HIRA: variants seen among roughly 807,000 people sequenced by gnomAD.
HIRA encodes protein HIRA.
A neutral mutation model predicts 126.6 loss-of-function variants in HIRA; 13 were observed. That is an observed-to-expected ratio of 0.10 (90% confidence interval 0.07 to 0.16). The LOEUF (loss-of-function observed/expected upper bound fraction) is 0.16. Among genes scored for constraint, HIRA ranks in the 10% least tolerant of loss-of-function variants. The pLI, the probability that HIRA is intolerant of heterozygous loss-of-function variation, is 1.00. For missense variants in HIRA, 834 were observed against 1,314.4 expected (o/e 0.63, Z 5.65); for synonymous variants, 511 against 520.0 (o/e 0.98, Z 0.24).
At chr22:19,379,323 A>G (rs555263996) in intron 13 of HIRA, among the ~76,000 whole-genome samples, 3 of 151,216 alleles carry the variant, frequency 2.0e-5, no homozygotes, top group African/African-American at 7.3e-5. Flanking sequence ...GCAGTTTTTC[A>G]AAGTAGAAAT....
At chr22:19,377,392 T>A in intron 14 of HIRA, among the ~76,000 whole-genome samples, 1 of 152,198 alleles carries the variant, frequency 6.6e-6, no homozygotes, top group Non-Finnish European at 1.5e-5. Context: ...TAATTTGGTT[T>A]CCAAGTAACA....
chr22:19,405,714 G>C lies in HIRA; in HGVS notation c.397+72C>G, dbSNP rs150143402. The C allele has an allele frequency of 3.3e-3, 3,752 of 1,129,898 alleles. 133 individuals carry two copies. The East Asian group carries it at 0.077, about 23-fold the overall frequency. The allele number at this position is 1,129,898 out of a possible 1,614,324, so 70.0% of individuals were successfully genotyped here. On this transcript the variant is annotated intron_variant, in intron 5 of 24. Coordinates refer to ENST00000263208, the MANE Select transcript of HIRA (RefSeq NM_003325.4). Reference sequence around the variant, plus strand: ...CTTTAAGGACCAAACAGTCCCACAGGGGACGTGGCGGTGCTGCTGATCTGA... The same window carrying C: ...CTTTAAGGACCAAACAGTCCCACAGCGGACGTGGCGGTGCTGCTGATCTGA...
At chr22:19,362,599 C>T (rs891202915) in intron 15 of HIRA, among the ~76,000 whole-genome samples, 1 of 151,630 alleles carries the variant, frequency 6.6e-6, no homozygotes, top group Non-Finnish European at 1.5e-5. Context: ...TCACTCTTCT[C>T]GCCCAGCCTG....
In HIRA at chr22:19,357,067, G is replaced by T. The variant is rs782177134; in HGVS notation, c.2235-16C>A. ...CACCACGTCACTGAGAAGGCAGAGTGGGGGCAGGTGTCATGGGGGCTGAGT... is the reference window on the plus strand; with the variant it reads ...CACCACGTCACTGAGAAGGCAGAGTTGGGGCAGGTGTCATGGGGGCTGAGT... On this transcript the variant is annotated splice_polypyrimidine_tract_variant and intron_variant, in intron 18 of 24. Coordinates refer to ENST00000263208, the MANE Select transcript of HIRA (RefSeq NM_003325.4). 3 of 1,613,540 alleles carry T rather than the reference G, an allele frequency of 1.9e-6. No homozygotes were observed. Among genetic ancestry groups the T allele is most frequent in the East Asian group, 2.2e-5 (1 of 44,890 alleles).
At chr22:19,419,660 T>C (rs1457644331) in intron 1 of HIRA, among the ~76,000 whole-genome samples, 2 of 152,220 alleles carry the variant, frequency 1.3e-5, no homozygotes, top group Non-Finnish European at 2.9e-5. Flanking sequence ...TATTCACTAA[T>C]TCATCCTCAG....
Position 19,356,996 on chromosome 22 carries a change from C to T in HIRA, c.2290G>A (p.Gly764Ser). The change falls in exon 19 of 25, where the codon GGT becomes AGT. Residue 764 changes from glycine to serine, a missense_variant. Gly to Ser is a moderately conservative substitution (Grantham distance 56). Around this residue, in one of 5 missense-constraint regions of HIRA, gnomAD observed 468 missense variants for 574.2 expected, o/e 0.82. Coordinates refer to ENST00000263208, the MANE Select transcript of HIRA (RefSeq NM_003325.4). ...AGGATGGGAGAGAGGAGACGGCGAC[C>T]ACAGGTGGAGAACACTGACAGCATC... ...KRMLSVFSTCGRRLLSPILLP... is the reference protein window; with the variant it reads ...KRMLSVFSTCSRRLLSPILLP... The T allele has an allele frequency of 6.2e-7, 1 of 1,614,084 alleles. No homozygotes were observed. The highest frequency in any genetic ancestry group is 8.5e-7 in the Non-Finnish European group (1 of 1,180,028).
intron 15 of HIRA, among the ~76,000 whole-genome samples, chr22:19,371,918 G>A (rs571926316): frequency 7.2e-4 from 110 of 152,286 alleles, no homozygotes; most frequent in African/African-American, 2.1e-3. Flanking sequence ...ATGTACAGAT[G>A]TGAACATTCA....
At chr22:19,380,541 G>A (rs17744434) in intron 13 of HIRA, among the ~76,000 whole-genome samples, 3,132 of 152,258 alleles carry the variant, frequency 0.021, 44 homozygotes, top group Non-Finnish European at 0.032. Flanking sequence ...GGTGGGGCTA[G>A]TCTTCCCTGG....
At chr22:19,404,879 C>T (rs545610919) in intron 5 of HIRA, among the ~76,000 whole-genome samples, 5 of 152,160 alleles carry the variant, frequency 3.3e-5, no homozygotes, top group Non-Finnish European at 5.9e-5. Context: ...AAATCAATCT[C>T]CTCTTCTCTA....
Position 19,386,746 on chromosome 22 carries a change from C to G in HIRA, c.1113+965G>C, listed in dbSNP as rs2089130930. Among the ~76,000 whole-genome samples, 3 of 152,198 alleles carry G rather than the reference C, an allele frequency of 2.0e-5. No individual in the cohort carries two copies. In the South Asian group the frequency reaches 6.2e-4, roughly 32 times the overall value. On this transcript the variant is annotated intron_variant, in intron 11 of 24. Transcript: ENST00000263208. ...GGTTATTAGGCTCCCAGAGTGACTC[C>G]AAGGGAGTGCATAGTGATCCCAGGT...
chr22:19,336,831 G>A (rs557672045), intron 24 of HIRA, among the ~76,000 whole-genome samples: 1 of 152,304 alleles, frequency 6.6e-6, no homozygotes, highest in South Asian at 2.1e-4. Flanking sequence ...CCATCCCTAG[G>A]GGAAGGGGAA....
At position 19,331,379 on chromosome 22, in the gene HIRA, A is replaced by C. The variant is rs1226133950; in HGVS notation, c.*61T>G. 1.2e-6 allele frequency: 2 copies of C among 1,609,598 alleles called. No homozygotes were observed. Among genetic ancestry groups the C allele is most frequent in the African/African-American group, 2.7e-5 (2 of 74,918 alleles). On this transcript the variant is annotated 3_prime_UTR_variant, in exon 25 of 25. Coordinates refer to ENST00000263208, the MANE Select transcript of HIRA (RefSeq NM_003325.4). ...CTGGTCAGGTGAGAGGCGGTCCTGC[A>C]TGTCATCAGCGGCGAGAGTGTGGCC...
At chr22:19,422,503 C>G (rs2089456759) in intron 1 of HIRA, among the ~76,000 whole-genome samples, 2 of 152,146 alleles carry the variant, frequency 1.3e-5, no homozygotes, top group Admixed American at 1.3e-4. Context: ...GCTCCCCTTG[C>G]AGTGAGAATC....
chr22:19,398,568 G>C (rs992396418), intron 5 of HIRA, among the ~76,000 whole-genome samples: 3 of 152,230 alleles, frequency 2.0e-5, no homozygotes, highest in African/African-American at 7.2e-5. Context: ...CATGGACTGG[G>C]TCTCATCTCC....
At chr22:19,417,689 G>T (rs2089410683) in intron 1 of HIRA, among the ~76,000 whole-genome samples, 1 of 152,156 alleles carries the variant, frequency 6.6e-6, no homozygotes, top group Admixed American at 6.5e-5. Context: ...TGATGAGGGT[G>T]TACAGAAATT....
rs553694748 is a variant in HIRA at position 19,341,915 on chromosome 22, C to T, written c.2937+9443G>A. 2.0e-5 allele frequency among the ~76,000 whole-genome samples: 3 copies of T among 152,150 alleles called. No homozygotes were observed. The East Asian group carries it at 5.8e-4, about 29-fold the overall frequency. On this transcript the variant is annotated intron_variant, in intron 24 of 24. Transcript: ENST00000263208. Reference sequence around the variant, plus strand: ...GGCAAATAGTTCATGACTACGAACCCAAAAGCAAATGCAACAAAAACAAGG... The same window carrying T: ...GGCAAATAGTTCATGACTACGAACCTAAAAGCAAATGCAACAAAAACAAGG...
intron 24 of HIRA, among the ~76,000 whole-genome samples, chr22:19,344,920 G>GA (rs1307261810): frequency 1.3e-5 from 2 of 152,154 alleles, no homozygotes; most frequent in African/African-American, 4.8e-5. Context: ...AAGCATCTGA[G>GA]AAAATGCAAC....
chr22:19,425,317 T>G (rs988633612), intron 1 of HIRA, among the ~76,000 whole-genome samples: 1 of 152,184 alleles, frequency 6.6e-6, no homozygotes, highest in Non-Finnish European at 1.5e-5. Context: ...TTTGCATAAA[T>G]TTTTGGTCCC....
rs1569314096 is a variant in HIRA at position 19,420,472 on chromosome 22, A to AC, written c.38-9695_38-9694insG. On this transcript the variant is annotated intron_variant, in intron 1 of 24. Transcript: ENST00000263208. Reference sequence around the variant, plus strand: ...CAAAAAAAACTGTCTCAAAAAAAAAAAAAAAAAAACCAAACCAAAACAAAA... The same window carrying AC: ...CAAAAAAAACTGTCTCAAAAAAAAAACAAAAAAAAACCAAACCAAAACAAAA... Among the ~76,000 whole-genome samples the AC allele has an allele frequency of 6.5e-3, 375 of 57,848 alleles. 6 individuals are homozygous for AC. The highest frequency in any genetic ancestry group is 0.013 in the African/African-American group (364 of 28,876). 38.0% of individuals were successfully genotyped at this position (57,848 alleles called of 152,430 possible).
Sources: allele counts gnomAD v4.1 joint callset (sites outside exome capture counted in the v4.1 genomes callset), GRCh38; gene constraint gnomAD v4.1.1; regional missense constraint gnomAD v4.1.1; transcripts MANE v1.5; gene names NCBI Gene and HGNC (gene_info 2026-07-23, HGNC 2026-07-21).